Variants in TTLL13 observed in about 807,000 individuals in gnomAD.
TTLL13 encodes tubulin polyglutamylase TTLL13.
chr15:90,264,835 C>G, the TTLL13 span: 1 of 1,536,064 alleles, frequency 6.5e-7, no homozygotes, highest in Non-Finnish European at 8.7e-7. Context: ...TGGCATCTGA[C>G]TCATGGACTG....
the TTLL13 span, chr15:90,258,676 G>A: frequency 4.5e-4 from 605 of 1,345,080 alleles, 2 homozygotes; most frequent in African/African-American, 7.6e-3. Context: ...TCTAGTTAAT[G>A]CCTGCAAGAG....
the TTLL13 span, chr15:90,256,431 AT>A: frequency 2.7e-6 from 3 of 1,124,178 alleles, no homozygotes; most frequent in Non-Finnish European, 3.8e-6. Flanking sequence ...TGGAGGCAGT[AT>A]CCAGCCATGG....
the TTLL13 span, chr15:90,264,831 C>G: frequency 1.3e-6 from 2 of 1,536,096 alleles, no homozygotes; most frequent in Non-Finnish European, 1.7e-6. Context: ...AGAGTGGCAT[C>G]TGACTCATGG....
the TTLL13 span, among the ~76,000 whole-genome samples, chr15:90,250,270 T>G: frequency 6.6e-6 from 1 of 152,144 alleles, no homozygotes; most frequent in Non-Finnish European, 1.5e-5. Context: ...CCCCCAGCAC[T>G]CACAGCCATC....
the TTLL13 span, chr15:90,257,234 GC>G: frequency 1.2e-6 from 2 of 1,613,420 alleles, no homozygotes; most frequent in Admixed American, 1.7e-5. Context: ...GGAGGGCCTA[GC>G]CCGTTTTGCC....
chr15:90,255,625 G>C, the TTLL13 span: 1 of 1,335,002 alleles, frequency 7.5e-7, no homozygotes. Flanking sequence ...TGGGGTCCTT[G>C]GTGCAGTGCT....
the TTLL13 span, chr15:90,258,873 A>G: frequency 1.1e-5 from 18 of 1,614,092 alleles, no homozygotes; most frequent in African/African-American, 2.7e-5. Flanking sequence ...GAGGAGGATA[A>G]GCGGCGAGTC....
chr15:90,252,570 A>G, the TTLL13 span, among the ~76,000 whole-genome samples: 2 of 152,230 alleles, frequency 1.3e-5, no homozygotes, highest in African/African-American at 4.8e-5. Flanking sequence ...AAAAAAAACA[A>G]TCTCCAGCTA....
At chr15:90,261,180 A>C in the TTLL13 span, among the ~76,000 whole-genome samples, 1 of 151,018 alleles carries the variant, frequency 6.6e-6, no homozygotes, top group Admixed American at 6.6e-5. Context: ...CTGGGTTCAA[A>C]AAATTTTCCT....
chr15:90,262,730 G>C, the TTLL13 span: 1 of 1,404,494 alleles, frequency 7.1e-7, no homozygotes, highest in East Asian at 2.5e-5. Flanking sequence ...CAACTAGATA[G>C]GGGAATGAAT....
At chr15:90,256,359 TC>T in the TTLL13 span, 3 of 1,602,106 alleles carry the variant, frequency 1.9e-6, no homozygotes, top group Admixed American at 5.1e-5. Context: ...GCCTCATCTC[TC>T]CCAAAAGCCA....
the TTLL13 span, chr15:90,265,148 T>C: frequency 9.6e-5 from 118 of 1,235,580 alleles, no homozygotes; most frequent in African/African-American, 1.2e-3. Context: ...CTAAGATTAA[T>C]TGGGGATCGG....
the TTLL13 span, among the ~76,000 whole-genome samples, chr15:90,255,382 G>A: frequency 6.6e-6 from 1 of 152,174 alleles, no homozygotes; most frequent in Non-Finnish European, 1.5e-5. Context: ...GTCTTTTGGG[G>A]AATGCTTTCG....
the TTLL13 span, chr15:90,262,776 G>A: frequency 8.0e-7 from 1 of 1,248,964 alleles, no homozygotes; most frequent in Non-Finnish European, 1.1e-6. Flanking sequence ...ACAAGAGAGA[G>A]AGGAGTTCCT....
At chr15:90,250,442 C>T in the TTLL13 span, among the ~76,000 whole-genome samples, 1 of 152,156 alleles carries the variant, frequency 6.6e-6, no homozygotes, top group Non-Finnish European at 1.5e-5. Context: ...CACCCCCATG[C>T]ACCTCCACCT....
the TTLL13 span, chr15:90,265,344 G>C: frequency 8.2e-7 from 1 of 1,221,520 alleles, no homozygotes; most frequent in Non-Finnish European, 1.0e-6. Flanking sequence ...CTGGGCTGTC[G>C]CCGTCAGAAG....
chr15:90,257,507 C>A, the TTLL13 span: 1 of 997,814 alleles, frequency 1.0e-6, no homozygotes, highest in Non-Finnish European at 1.5e-6. Context: ...TCTAGAATAG[C>A]AGTCCTCTGG....
chr15:90,263,827 G>A, the TTLL13 span: 2 of 736,730 alleles, frequency 2.7e-6, no homozygotes, highest in African/African-American at 3.5e-5. Context: ...GGCTGCCACA[G>A]AGCAGGGCGC....
the TTLL13 span, among the ~76,000 whole-genome samples, chr15:90,255,341 G>A: frequency 1.3e-5 from 2 of 152,192 alleles, no homozygotes; most frequent in Non-Finnish European, 2.9e-5. Flanking sequence ...CATTCCTTGG[G>A]GCTGGTTCTT....
Sources: gnomAD v4.1 joint callset for allele counts (sites outside exome capture counted in the v4.1 genomes callset) on GRCh38, gnomAD v4.1.1 for gene constraint, MANE v1.5 for transcripts, NCBI Gene and HGNC (gene_info 2026-07-23, HGNC 2026-07-21) for gene names.